The following DIAPH3 variants were observed in gnomAD, a reference collection of about 807,000 sequenced individuals.
The protein encoded by DIAPH3 is protein diaphanous homolog 3.
A neutral mutation model predicts 144.3 loss-of-function variants in DIAPH3; 117 were observed. The observed-to-expected ratio is 0.81, with a 90% CI of 0.70 to 0.95. The LOEUF (loss-of-function observed/expected upper bound fraction) is 0.95. Ranked by LOEUF, DIAPH3 falls within the 40% of genes least tolerant of loss-of-function variation. DIAPH3 has a pLI of 0.00. For missense variants in DIAPH3, 1,421 were observed against 1,412.7 expected (o/e 1.01, Z -0.09); for synonymous variants, 519 against 488.9 (o/e 1.06, Z -0.81).
At chr13:60,114,757 A>T (rs915176411) in intron 2 of DIAPH3, among the ~76,000 whole-genome samples, 3 of 152,110 alleles carry the variant, frequency 2.0e-5, no homozygotes, top group Non-Finnish European at 4.4e-5. Context: ...CCATAAAACT[A>T]CAGCCAGAGA....
At chr13:60,052,657 T>C (rs542494800) in intron 4 of DIAPH3, among the ~76,000 whole-genome samples, 59 of 152,236 alleles carry the variant, frequency 3.9e-4, no homozygotes, top group African/African-American at 1.3e-3. Context: ...TGAATGGCTT[T>C]CAGTGAATGA....
intron 25 of DIAPH3, among the ~76,000 whole-genome samples, chr13:59,793,919 G>C (rs1005567411): frequency 3.9e-5 from 6 of 152,256 alleles, no homozygotes; most frequent in Admixed American, 3.3e-4. Flanking sequence ...GGATGTCCTA[G>C]AGATACCTCA....
intron 4 of DIAPH3, among the ~76,000 whole-genome samples, chr13:60,086,226 C>T (rs2057741764): frequency 6.6e-6 from 1 of 152,052 alleles, no homozygotes; most frequent in Non-Finnish European, 1.5e-5. Flanking sequence ...AACAAAAACA[C>T]AATGCAGTAA....
chr13:60,105,108 A>AAAAC (rs772244378), intron 3 of DIAPH3, among the ~76,000 whole-genome samples: 1 of 124,040 alleles, frequency 8.1e-6, no homozygotes, highest in Non-Finnish European at 1.7e-5. Context: ...TCAAAAAAAA[A>AAAAC]AAAAAAAAAA....
At chr13:59,847,382 A>G (rs2042703323) in intron 22 of DIAPH3, among the ~76,000 whole-genome samples, 1 of 152,174 alleles carries the variant, frequency 6.6e-6, no homozygotes, top group African/African-American at 2.4e-5. Context: ...CAACCAATTA[A>G]AGGCCCCCAG....
At chr13:59,714,748 C>T (rs1396785406) in intron 27 of DIAPH3, among the ~76,000 whole-genome samples, 1 of 152,132 alleles carries the variant, frequency 6.6e-6, no homozygotes, top group East Asian at 1.9e-4. Flanking sequence ...TATTGTCTCA[C>T]TTAACAAGAA....
chr13:59,846,203 A>G (rs1343672796), intron 22 of DIAPH3, among the ~76,000 whole-genome samples: 1 of 151,390 alleles, frequency 6.6e-6, no homozygotes, highest in Non-Finnish European at 1.5e-5. Flanking sequence ...TTAAGATTTC[A>G]AGTAAGAAAG....
At chr13:59,956,627 C>A (rs189376401) in intron 17 of DIAPH3, among the ~76,000 whole-genome samples, 1 of 152,212 alleles carries the variant, frequency 6.6e-6, no homozygotes, top group African/African-American at 2.4e-5. Flanking sequence ...TGGGAGCCCC[C>A]ACACAAAGTC....
intron 17 of DIAPH3, among the ~76,000 whole-genome samples, chr13:59,941,625 G>A (rs990317467): frequency 1.3e-5 from 2 of 152,146 alleles, no homozygotes; most frequent in Admixed American, 6.6e-5. Flanking sequence ...GTGTGCTTGT[G>A]ACAATATCTT....
intron 1 of DIAPH3, among the ~76,000 whole-genome samples, chr13:60,145,704 A>G (rs922583154): frequency 6.6e-6 from 1 of 152,162 alleles, no homozygotes; most frequent in Non-Finnish European, 1.5e-5. Context: ...ATTTCTGTCA[A>G]TTGACTAACA....
intron 5 of DIAPH3, among the ~76,000 whole-genome samples, chr13:60,035,484 T>A (rs1270124307): frequency 6.6e-6 from 1 of 152,208 alleles, no homozygotes; most frequent in Non-Finnish European, 1.5e-5. Context: ...TAATGGCTTG[T>A]CCTTTGAAAA....
At chr13:59,859,284 C>T (rs1015840094) in intron 22 of DIAPH3, among the ~76,000 whole-genome samples, 15 of 152,186 alleles carry the variant, frequency 9.9e-5, no homozygotes, top group African/African-American at 3.4e-4. Context: ...CACTAGACTC[C>T]ACTCTTAACA....
chr13:59,714,966 A>G (rs1811863900), intron 27 of DIAPH3, among the ~76,000 whole-genome samples: 2 of 142,156 alleles, frequency 1.4e-5, no homozygotes, highest in South Asian at 4.5e-4. Flanking sequence ...CAAGAACAAT[A>G]AGGGAGCAGG....
At chr13:59,811,324 C>T (rs532894342) in intron 24 of DIAPH3, among the ~76,000 whole-genome samples, 252 of 152,134 alleles carry the variant, frequency 1.7e-3, no homozygotes, top group Non-Finnish European at 2.8e-3. Flanking sequence ...TTATCAAGTA[C>T]AAGAAAAATT....
chr13:59,904,924 ACTG>A (rs1224653068), intron 20 of DIAPH3, among the ~76,000 whole-genome samples: 1 of 152,132 alleles, frequency 6.6e-6, no homozygotes, highest in Non-Finnish European at 1.5e-5. Flanking sequence ...ATACATAATA[ACTG>A]CTTCGATCTC....
chr13:59,774,056 A>C (rs1297087641), intron 27 of DIAPH3, 133 bp downstream of exon 27: 1 of 867,868 alleles, frequency 1.2e-6, no homozygotes. Context: ...CATAGCAAAT[A>C]TGTACATGCA....
intron 21 of DIAPH3, among the ~76,000 whole-genome samples, chr13:59,871,592 AT>A (rs2044284275): frequency 2.0e-5 from 3 of 152,238 alleles, no homozygotes; most frequent in African/African-American, 7.2e-5. Context: ...ACATTAATGG[AT>A]TTTCAAATGT....
chr13:60,057,345 G>A (rs904101161), intron 4 of DIAPH3, among the ~76,000 whole-genome samples: 1 of 151,846 alleles, frequency 6.6e-6, no homozygotes, highest in South Asian at 2.1e-4. Flanking sequence ...TAACCAAGGA[G>A]ATGAAAGATC....
rs116147722 is a variant in DIAPH3 at position 59,728,736 on chromosome 13, A to T, written c.3319+45453T>A. 2.4e-3 allele frequency among the ~76,000 whole-genome samples: 364 copies of T among 152,270 alleles called. 1 individual carries two copies. The highest frequency in any genetic ancestry group is 8.3e-3 in the African/African-American group (343 of 41,560). ...TATAAAAACAGGTGACTATAATAGG[A>T]TATATTTAACTTTTACCAACACACA... is the stretch of plus-strand genomic sequence containing the variant. On this transcript the variant is annotated intron_variant, in intron 27 of 27. Transcript: ENST00000400324.
Sources: allele counts gnomAD v4.1 joint callset (sites outside exome capture counted in the v4.1 genomes callset), GRCh38; gene constraint gnomAD v4.1.1; transcripts MANE v1.5; gene names NCBI Gene and HGNC (gene_info 2026-07-23, HGNC 2026-07-21).